The following TRIM67 variants were observed in gnomAD, a reference collection of about 807,000 sequenced individuals.
TRIM67 encodes the protein tripartite motif-containing protein 67.
TRIM67 carries 39 observed loss-of-function variants against 71.0 expected under a neutral mutation model. The observed-to-expected ratio is 0.55, with a 90% confidence interval of 0.43 to 0.72. TRIM67 has a LOEUF of 0.72. Ranked by LOEUF, TRIM67 falls within the 30% of genes least tolerant of loss-of-function variation. TRIM67 has a pLI of 0.00. For synonymous variants in TRIM67, 481 were observed against 473.9 expected (o/e 1.01, Z -0.19); for missense variants, 973 against 1,079.2 (o/e 0.90, Z 1.38).
intron 5 of TRIM67, among the ~76,000 whole-genome samples, chr1:231,201,989 C>T (rs572111012): frequency 0.063 from 57 of 904 alleles, no homozygotes; most frequent in Admixed American, 0.33. Context: ...AGATGCCATG[C>T]GGTGAGATTT....
Position 231,186,071 on chromosome 1 carries a change from C to T in TRIM67, c.1045-11300C>T, listed in dbSNP as rs559083570. 32 of 1,532,656 alleles carry T rather than the reference C, an allele frequency of 2.1e-5. No individual in the cohort carries two copies. The African/African-American group carries it at 4.3e-4, about 20-fold the overall frequency. 94.9% of individuals were successfully genotyped at this position (1,532,656 alleles called of 1,614,324 possible). A position where few individuals can be genotyped will look rare whatever the true frequency, so the allele number is the denominator to read the frequency against. ...AAGGGGATGTTCCCCGTGAGCAGAA[C>T]TCACCTCTCTCCTGATAGGCGGCTG... is the stretch of plus-strand genomic sequence containing the variant. On this transcript the variant is annotated intron_variant, in intron 1 of 9. Coordinates refer to ENST00000366653, the MANE Select transcript of TRIM67 (RefSeq NM_001004342.5).
In TRIM67 at chr1:231,201,296, C is replaced by A. The variant is rs1434147949; in HGVS notation, c.1375-62C>A. ...AGACAAAGTCCCTACCTCTTCCTCA[C>A]CCCTGGCTGCACAATTTTTCCTTTG... On this transcript the variant is annotated intron_variant, in intron 4 of 9. Coordinates refer to ENST00000366653, the MANE Select transcript of TRIM67 (RefSeq NM_001004342.5). The A allele has an allele frequency of 1.6e-5, 25 of 1,538,886 alleles. No individual in the cohort carries two copies. In the Admixed American group the frequency reaches 4.3e-4, roughly 27 times the overall value.
chr1:231,194,885 G>A (rs978774279), intron 1 of TRIM67, among the ~76,000 whole-genome samples: 4 of 152,138 alleles, frequency 2.6e-5, no homozygotes, highest in African/African-American at 9.7e-5. Context: ...GGGTGAGGAT[G>A]AGGGAGGAAA....
chr1:231,210,851 G>A (rs953017089), intron 8 of TRIM67, among the ~76,000 whole-genome samples: 5 of 151,578 alleles, frequency 3.3e-5, no homozygotes, highest in Non-Finnish European at 7.4e-5. Context: ...ACCAGCCTGG[G>A]CAACTTAGTG....
At chr1:231,206,591 T>C in intron 6 of TRIM67, 61 bp from the exon 7 acceptor site, 1 of 1,458,296 alleles carries the variant, frequency 6.9e-7, no homozygotes, top group African/African-American at 1.4e-5. Context: ...CAGAAGCCAT[T>C]TGCTAAGAGG....
At position 231,198,919 on chromosome 1, in the gene TRIM67, A is replaced by C. The variant is rs556029984; in HGVS notation, c.1141-128A>C. ...TCATATAAATATTGTCTCTAATTTA[A>C]CAACATTATAGAGAAATCTAGGATG... On this transcript the variant is annotated intron_variant, in intron 2 of 9. Coordinates refer to ENST00000366653, the MANE Select transcript of TRIM67 (RefSeq NM_001004342.5). 1.2e-4 allele frequency: 170 copies of C among 1,443,444 alleles called. No individual in the cohort carries two copies. In the African/African-American group the frequency reaches 2.1e-3, roughly 18 times the overall value. The allele number at this position is 1,443,444 out of a possible 1,614,324, so 89.4% of individuals were successfully genotyped here.
At chr1:231,171,542 A>G (rs1682619099) in intron 1 of TRIM67, among the ~76,000 whole-genome samples, 2 of 152,054 alleles carry the variant, frequency 1.3e-5, no homozygotes, top group African/African-American at 2.4e-5. Context: ...GGTTATGACA[A>G]TCATAACAAG....
chr1:231,206,524 C>G, intron 6 of TRIM67, 128 bp from the exon 7 acceptor site: 1 of 908,644 alleles, frequency 1.1e-6, no homozygotes, highest in East Asian at 3.1e-5. Flanking sequence ...CCCACCTCAG[C>G]TTCCTGAGTA....
chr1:231,198,141 C>G (rs1280562022), intron 2 of TRIM67, among the ~76,000 whole-genome samples: 3 of 152,170 alleles, frequency 2.0e-5, no homozygotes, highest in Non-Finnish European at 4.4e-5. Flanking sequence ...CGAATATGCC[C>G]ATGTCATCAA....
Position 231,206,698 on chromosome 1 carries a change from A to C in TRIM67, c.1727A>C (p.His576Pro). ...KETLCTIDGLHFNSTYNARVK... is the reference protein window; with the variant it reads ...KETLCTIDGLPFNSTYNARVK... ...ACTTTGTGTACCATCGACGGTCTTC[A>C]CTTCAACAGCACCTACAACGCCCGA... Residue 576 changes from histidine to proline, a missense_variant, in exon 7 of 10, where the codon CAC becomes CCC. This residue lies in a region of TRIM67 where 795 missense variants were observed against 831.3 expected (regional missense o/e 0.96). Coordinates refer to ENST00000366653, the MANE Select transcript of TRIM67 (RefSeq NM_001004342.5). 6.2e-7 allele frequency: 1 copy of C among 1,611,592 alleles called. No homozygotes were observed. The highest frequency in any genetic ancestry group is 1.3e-5 in the African/African-American group (1 of 74,984).
At chr1:231,207,125 A>G (rs7526669) in intron 7 of TRIM67, among the ~76,000 whole-genome samples, 42,444 of 152,162 alleles carry the variant, frequency 0.28, 8,094 homozygotes, top group African/African-American at 0.54. Flanking sequence ...CTGCACCCAC[A>G]TGGCCTACAA....
chr1:231,202,000 G>A (rs1380261775), intron 5 of TRIM67, among the ~76,000 whole-genome samples: 3 of 974 alleles, frequency 3.1e-3, no homozygotes, highest in Non-Finnish European at 7.4e-3. Context: ...GGTGAGATTT[G>A]AGGTGAGGAG....
In TRIM67 at chr1:231,184,059, G is replaced by A. The variant is rs368124919; in HGVS notation, c.1045-13312G>A. ...AATTCCAAGGAGTTATCATCCTGCT[G>A]GCCTCGAATAGGGTGTTAACGAATC... On this transcript the variant is annotated intron_variant, in intron 1 of 9. Coordinates refer to ENST00000366653, the MANE Select transcript of TRIM67 (RefSeq NM_001004342.5). 9.2e-5 allele frequency: 14 copies of A among 152,304 alleles called. 1 individual carries two copies. In the South Asian group the frequency reaches 2.9e-3, roughly 32 times the overall value. 9.4% of individuals were successfully genotyped at this position (152,304 alleles called of 1,614,324 possible).
chr1:231,198,246 T>G (rs1477873926), intron 2 of TRIM67, among the ~76,000 whole-genome samples: 6 of 152,166 alleles, frequency 3.9e-5, no homozygotes, highest in Non-Finnish European at 8.8e-5. Flanking sequence ...GATACAAAGA[T>G]CAATGAGGCA....
intron 1 of TRIM67, among the ~76,000 whole-genome samples, chr1:231,190,963 C>T (rs1683215318): frequency 6.6e-6 from 1 of 152,216 alleles, no homozygotes; most frequent in Admixed American, 6.5e-5. Context: ...TTCCAGTCTC[C>T]AGGCCTGTTG....
At position 231,220,279 on chromosome 1, in the gene TRIM67, T is replaced by G; in HGVS notation, c.*4839T>G. On this transcript the variant is annotated 3_prime_UTR_variant, in exon 10 of 10. Transcript: ENST00000366653. ...AAATAGACCTTTAAGACAGGTTTCC[T>G]ATGACCATAGAAAGTAACACCCCAT... 3.8e-6 allele frequency: 1 copy of G among 264,064 alleles called. No homozygotes were observed. The highest frequency in any genetic ancestry group is 7.5e-6 in the Non-Finnish European group (1 of 132,682). The allele number at this position is 264,064 out of a possible 1,614,324, so 16.4% of individuals were successfully genotyped here. A position where few individuals can be genotyped will look rare whatever the true frequency, so the allele number is the denominator to read the frequency against.
At chr1:231,186,664 C>T (rs779044878) in intron 1 of TRIM67, among the ~76,000 whole-genome samples, 2 of 152,136 alleles carry the variant, frequency 1.3e-5, no homozygotes, top group Non-Finnish European at 2.9e-5. Flanking sequence ...ACCCTAATGA[C>T]CTCATTCTAA....
At chr1:231,181,436 C>G (rs1384792992) in intron 1 of TRIM67, among the ~76,000 whole-genome samples, 1 of 152,154 alleles carries the variant, frequency 6.6e-6, no homozygotes, top group Non-Finnish European at 1.5e-5. Context: ...AAGAAGTGAA[C>G]GTTTGTGGTT....
At chr1:231,188,438 G>A (rs1431240026) in intron 1 of TRIM67, among the ~76,000 whole-genome samples, 1 of 152,182 alleles carries the variant, frequency 6.6e-6, no homozygotes, top group Non-Finnish European at 1.5e-5. Flanking sequence ...GAATGCCAGG[G>A]ACAAGGGTCC....
Sources: gnomAD v4.1 joint callset for allele counts (sites outside exome capture counted in the v4.1 genomes callset) on GRCh38, gnomAD v4.1.1 for gene constraint, gnomAD v4.1.1 regional missense constraint, MANE v1.5 for transcripts, NCBI Gene and HGNC (gene_info 2026-07-23, HGNC 2026-07-21) for gene names.